Variants in PVALB observed in about 807,000 individuals in gnomAD.
PVALB encodes the protein parvalbumin alpha.
A neutral mutation model predicts 10.9 loss-of-function variants in PVALB; 11 were observed. The observed-to-expected ratio is 1.01, with a 90% CI of 0.63 to 1.67. The LOEUF is 1.67. Among genes scored for constraint, PVALB ranks in the 40% most tolerant of loss-of-function variants. PVALB has a pLI of 0.00. For synonymous variants in PVALB, 57 were observed against 50.7 expected, an observed-to-expected ratio of 1.12 and a Z score of -0.53; for missense variants, 131 against 136.2, an observed-to-expected ratio of 0.96 and a Z score of 0.19.
At chr22:36,819,204 C>CG (rs1015155795), upstream of PVALB, among the ~76,000 whole-genome samples, 2 of 151,954 alleles carry the variant, frequency 1.3e-5, no homozygotes, top group Non-Finnish European at 1.5e-5. Flanking sequence ...GGCCCAGCCA[C>CG]GGGGGGCGGT....
chr22:36,811,958 A>G (rs997435205), intron 3 of PVALB, among the ~76,000 whole-genome samples: 3 of 152,112 alleles, frequency 2.0e-5, no homozygotes, highest in African/African-American at 7.2e-5. Flanking sequence ...CCTGCATTTG[A>G]CCTGGATAGG....
Position 36,815,343 on chromosome 22 carries a change from A to T in PVALB, c.62-108T>A, listed in dbSNP as rs1465643388. 3.5e-6 allele frequency: 5 copies of T among 1,442,404 alleles called. No individual in the cohort carries two copies. The South Asian group carries it at 4.9e-5, about 14-fold the overall frequency. 89.4% of individuals were successfully genotyped at this position (1,442,404 alleles called of 1,614,324 possible). A position where few individuals can be genotyped will look rare whatever the true frequency, so the allele number is the denominator to read the frequency against. ...GTTGATGGATTCCCACATGCCAGTC[A>T]TGGGGAATGAGAGGTACCCACCTCC... On this transcript the variant is annotated intron_variant, in intron 1 of 3. Transcript: ENST00000417718.
chr22:36,812,035 A>AC (rs1479783338), intron 3 of PVALB, among the ~76,000 whole-genome samples: 5 of 149,196 alleles, frequency 3.4e-5, no homozygotes, highest in South Asian at 2.1e-4. Flanking sequence ...AACAACAACA[A>AC]AAAAAACCCT....
chr22:36,818,042 T>C (rs996305275), upstream of PVALB, among the ~76,000 whole-genome samples: 12 of 152,310 alleles, frequency 7.9e-5, no homozygotes, highest in African/African-American at 2.6e-4. Flanking sequence ...CGTTGTGTTC[T>C]TCCCCATGGT....
At chr22:36,810,742 T>G (rs960673342) in intron 3 of PVALB, among the ~76,000 whole-genome samples, 1 of 152,236 alleles carries the variant, frequency 6.6e-6, no homozygotes, top group East Asian at 1.9e-4. Context: ...CAGCTAATAA[T>G]TCTTTCCTCC....
chr22:36,800,840 A>G lies in PVALB; in HGVS notation c.*50T>C. 1 of 1,559,086 alleles carries G rather than the reference A, an allele frequency of 6.4e-7. No individual in the cohort carries two copies. The highest frequency in any genetic ancestry group is 1.1e-5 in the South Asian group (1 of 89,934). ...CAGGAGGGTGGCGAGAGGGGCCGAG[A>G]TTGGGTGTTCAGGGCAGAGAGGTGG... is the stretch of plus-strand genomic sequence containing the variant. On this transcript the variant is annotated 3_prime_UTR_variant, in exon 4 of 4. Coordinates refer to ENST00000417718, the MANE Select transcript of PVALB (RefSeq NM_001315532.2).
chr22:36,813,845 G>C, intron 2 of PVALB, 90 bp from the exon 3 acceptor site: 1 of 990,248 alleles, frequency 1.0e-6, no homozygotes, highest in Non-Finnish European at 1.6e-6. Flanking sequence ...GTTTCTGTAT[G>C]GGGAAAGGGA....
chr22:36,807,713 C>T (rs1938974839), intron 3 of PVALB, among the ~76,000 whole-genome samples: 1 of 152,184 alleles, frequency 6.6e-6, no homozygotes, highest in Non-Finnish European at 1.5e-5. Context: ...AAAGATACAG[C>T]CATTCCCACG....
chr22:36,801,329 T>C (rs1938860609), intron 3 of PVALB, among the ~76,000 whole-genome samples: 1 of 152,228 alleles, frequency 6.6e-6, no homozygotes, highest in South Asian at 2.1e-4. Context: ...GTTCTACAGA[T>C]GAAGAAACTG....
chr22:36,807,509 A>G (rs1938970942), intron 3 of PVALB, among the ~76,000 whole-genome samples: 1 of 152,164 alleles, frequency 6.6e-6, no homozygotes, highest in Non-Finnish European at 1.5e-5. Flanking sequence ...CTTTAGACTC[A>G]ATTTCCTTTC....
At position 36,810,287 on chromosome 22, in the gene PVALB, T is replaced by C; in HGVS notation, c.304+3359A>G. On this transcript the variant is annotated intron_variant, in intron 3 of 3. Transcript: ENST00000417718. The stretch of plus-strand genomic sequence containing the variant: ...GGCATCTTCCAGCTATAGGTGGGGC[T>C]CGGGCCTTCTGGCCTTTAGAGAGAG... 2.0e-5 allele frequency among the ~76,000 whole-genome samples: 3 copies of C among 152,208 alleles called. 1 individual carries two copies. Among genetic ancestry groups the C allele is most frequent in the Non-Finnish European group, 4.4e-5 (3 of 68,032 alleles).
chr22:36,812,785 G>A (rs754521438), intron 3 of PVALB, among the ~76,000 whole-genome samples: 1 of 152,218 alleles, frequency 6.6e-6, no homozygotes, highest in Non-Finnish European at 1.5e-5. Context: ...TTCAGGCCTG[G>A]TTCTAAATCC....
At chr22:36,803,762 A>G (rs2022068) in intron 3 of PVALB, among the ~76,000 whole-genome samples, 93,075 of 149,450 alleles carry the variant, frequency 0.62, 30,461 homozygotes, top group African/African-American at 0.81. Flanking sequence ...CTTCTTAGGG[A>G]TCAACAAGTT....
At chr22:36,801,871 T>A (rs1012420277) in intron 3 of PVALB, among the ~76,000 whole-genome samples, 1 of 152,154 alleles carries the variant, frequency 6.6e-6, no homozygotes, top group Non-Finnish European at 1.5e-5. Context: ...AGGCTGGGGA[T>A]TGAAAGTTAG....
At chr22:36,809,072 C>T (rs144473317) in intron 3 of PVALB, among the ~76,000 whole-genome samples, 32 of 152,334 alleles carry the variant, frequency 2.1e-4, no homozygotes, top group Non-Finnish European at 4.3e-4. Flanking sequence ...TGATAAGTAT[C>T]ACTCACCTTC....
chr22:36,811,831 C>A (rs1939050642), intron 3 of PVALB, among the ~76,000 whole-genome samples: 1 of 151,996 alleles, frequency 6.6e-6, no homozygotes, highest in East Asian at 1.9e-4. Context: ...ACCAGAAGCC[C>A]CAGGAGCGGC....
At chr22:36,807,822 C>T (rs950012268) in intron 3 of PVALB, among the ~76,000 whole-genome samples, 10 of 152,136 alleles carry the variant, frequency 6.6e-5, no homozygotes, top group African/African-American at 1.2e-4. Context: ...ACGCCTCTCA[C>T]GGTAAATAGG....
At chr22:36,810,076 G>T (rs2069722970) in intron 3 of PVALB, among the ~76,000 whole-genome samples, 1 of 152,052 alleles carries the variant, frequency 6.6e-6, no homozygotes, top group South Asian at 2.1e-4. Flanking sequence ...GTAGAGGTGG[G>T]GTTTCACCAT....
At chr22:36,818,511 G>A, upstream of PVALB, 1 of 153,050 alleles carries the variant, frequency 6.5e-6, no homozygotes, top group Non-Finnish European at 1.5e-5. Flanking sequence ...CAAGGATGCA[G>A]CTCCTGACCT....
Sources: allele counts gnomAD v4.1 joint callset (sites outside exome capture counted in the v4.1 genomes callset), GRCh38; gene constraint gnomAD v4.1.1; transcripts MANE v1.5; gene names NCBI Gene and HGNC (gene_info 2026-07-23, HGNC 2026-07-21).